GSE1: variants seen among roughly 807,000 people sequenced by gnomAD.
The protein encoded by GSE1 is Gse1 coiled-coil protein.
Under a neutral mutation model 112.6 loss-of-function variants are expected in GSE1, and 32 were observed. That is an observed-to-expected ratio of 0.28 (90% CI 0.21 to 0.38). The LOEUF (loss-of-function observed/expected upper bound fraction) is 0.38. Among genes scored for constraint, GSE1 ranks in the 10% least tolerant of loss-of-function variants. GSE1 has a pLI of 1.00. For synonymous variants in GSE1, 1,115 were observed against 735.6 expected (o/e 1.52, Z -8.35); for missense variants, 2,348 against 1,699.2 (o/e 1.38, Z -6.71).
At chr16:85,487,758 G>T (rs2050888305) in intron 2 of GSE1, among the ~76,000 whole-genome samples, 1 of 152,164 alleles carries the variant, frequency 6.6e-6, no homozygotes, top group South Asian at 2.1e-4. Flanking sequence ...GAAGGAGGTG[G>T]GTCGTCCAGG....
intron 2 of GSE1, among the ~76,000 whole-genome samples, chr16:85,634,389 C>T (rs527895412): frequency 3.1e-4 from 47 of 152,328 alleles, no homozygotes; most frequent in Admixed American, 2.4e-3. Context: ...CAGGGGTGTC[C>T]GGATGTAGCG....
chr16:85,472,386 A>G (rs1024134368), intron 2 of GSE1, among the ~76,000 whole-genome samples: 6 of 152,070 alleles, frequency 3.9e-5, no homozygotes, highest in African/African-American at 1.4e-4. Context: ...TTCTGGCCAC[A>G]CTGCCGTGGT....
In GSE1 at chr16:85,516,830, C is replaced by G. The variant is rs377067584; in HGVS notation, c.2465-117084C>G. 4.5e-4 allele frequency among the ~76,000 whole-genome samples: 66 copies of G among 147,506 alleles called. No homozygotes were observed. In the East Asian group the frequency reaches 0.011, roughly 25 times the overall value. ...TTTTTTTTTTTGAGACGGAGTCTCGCTCTATCGCCCAGGCTGGAGTGCAGT... is the reference window on the plus strand; with the variant it reads ...TTTTTTTTTTTGAGACGGAGTCTCGGTCTATCGCCCAGGCTGGAGTGCAGT... On this transcript the variant is annotated intron_variant, in intron 2 of 2. Transcript: ENST00000637419.
intron 2 of GSE1, among the ~76,000 whole-genome samples, chr16:85,521,367 G>A (rs1038855398): frequency 3.3e-5 from 5 of 152,180 alleles, no homozygotes; most frequent in Non-Finnish European, 5.9e-5. Flanking sequence ...AAGCAGCCAG[G>A]ATGGGGTCCA....
chr16:85,593,649 G>A (rs1353102133), intron 1 of GSE1: 1 of 146,088 alleles, frequency 6.8e-6, no homozygotes, highest in African/African-American at 2.5e-5. Context: ...CTGTGCTAGC[G>A]CCTGCCTGTG....
chr16:85,651,948 C>A (rs1211084400), intron 3 of GSE1, among the ~76,000 whole-genome samples: 1 of 152,246 alleles, frequency 6.6e-6, no homozygotes, highest in Non-Finnish European at 1.5e-5. Context: ...CAGGGTGTGT[C>A]CTTCCTCGTG....
chr16:85,308,636 T>C (rs1261124323), intron 1 of GSE1, among the ~76,000 whole-genome samples: 1 of 152,162 alleles, frequency 6.6e-6, no homozygotes, highest in East Asian at 1.9e-4. Flanking sequence ...GAAGCCTGGC[T>C]TTATGTTGTG....
intron 1 of GSE1, among the ~76,000 whole-genome samples, chr16:85,321,292 A>T (rs2046102387): frequency 6.6e-6 from 1 of 152,182 alleles, no homozygotes; most frequent in African/African-American, 2.4e-5. Context: ...TCTTCAGCAC[A>T]GGGGTTTCAG....
At position 85,224,314 on chromosome 16, in the gene GSE1, AAAAAAAAAAAAAAAAAAG is replaced by A. The variant is rs1286180197; in HGVS notation, c.2283+52508_2283+52525del. On this transcript the variant is annotated intron_variant, in intron 1 of 2. Coordinates refer to the GSE1 transcript ENST00000637419. ...CTACTAAAAATACAAAAAAAAAAAA[AAAAAAAAAAAAAAAAAAG>A]GGAACACACAGGGGCGGATTCCAGG... 1.1e-4 allele frequency among the ~76,000 whole-genome samples: 17 copies of A among 148,896 alleles called. No homozygotes were observed. In the East Asian group the frequency reaches 3.2e-3, roughly 28 times the overall value.
intron 2 of GSE1, among the ~76,000 whole-genome samples, chr16:85,447,539 TACCAGCTGTC>T (rs970499358): frequency 1.6e-4 from 25 of 152,226 alleles, no homozygotes; most frequent in Admixed American, 1.3e-4. Flanking sequence ...GCTCAGCACA[TACCAGCTGTC>T]ACCAGCTGTC....
chr16:85,205,016 A>G (rs1383481681), intron 1 of GSE1, among the ~76,000 whole-genome samples: 1 of 152,236 alleles, frequency 6.6e-6, no homozygotes, highest in East Asian at 1.9e-4. Context: ...CCCAAATCCT[A>G]AAAGCTCTCA....
chr16:85,312,601 C>T (rs898845005), intron 1 of GSE1, among the ~76,000 whole-genome samples: 1 of 152,162 alleles, frequency 6.6e-6, no homozygotes, highest in Admixed American at 6.5e-5. Context: ...CTGACATCTG[C>T]AAAGACCCCC....
intron 2 of GSE1, among the ~76,000 whole-genome samples, chr16:85,484,021 G>A (rs189304635): frequency 6.7e-4 from 102 of 152,316 alleles, no homozygotes; most frequent in African/African-American, 2.4e-3. Flanking sequence ...TCCAGATGGG[G>A]AAACTGAGGC....
chr16:85,296,419 A>T (rs1352845164), intron 1 of GSE1, among the ~76,000 whole-genome samples: 5 of 152,166 alleles, frequency 3.3e-5, no homozygotes, highest in African/African-American at 1.2e-4. Flanking sequence ...AGCCTGGGCA[A>T]CATGGTGAAA....
At chr16:85,254,561 T>A (rs749690077) in intron 1 of GSE1, among the ~76,000 whole-genome samples, 42 of 152,214 alleles carry the variant, frequency 2.8e-4, no homozygotes, top group Non-Finnish European at 5.0e-4. Flanking sequence ...GGCTCTTAGC[T>A]TCTGGGGGGC....
intron 1 of GSE1, among the ~76,000 whole-genome samples, chr16:85,263,101 A>G (rs1907882279): frequency 6.6e-6 from 1 of 152,192 alleles, no homozygotes; most frequent in Non-Finnish European, 1.5e-5. Flanking sequence ...AGCGACGCGT[A>G]GTGATTAGAG....
chr16:85,654,297 G>C lies in GSE1; in HGVS notation c.446G>C (p.Ser149Thr). ...ESRQDAGSRS[S>T]SGGRERLIVE... ...CCGCAGGATGCCGGCTCCAGGAGCA[G>C]CAGTGGAGGTCGGGAACGCCTCATT... The change falls in exon 4 of 16, where the codon AGC (serine) becomes ACC (threonine). Residue 149 changes from serine (S) to threonine (T), a missense_variant. Ser to Thr is a moderately conservative substitution (Grantham distance 58, BLOSUM62 1). Coordinates refer to ENST00000253458, the MANE Select transcript of GSE1 (RefSeq NM_014615.5). The C allele has an allele frequency of 6.2e-7, 1 of 1,604,340 alleles. No homozygotes were observed. The highest frequency in any genetic ancestry group is 8.5e-7 in the Non-Finnish European group (1 of 1,176,540).
At chr16:85,211,581 G>C (rs2075226588) in intron 1 of GSE1, among the ~76,000 whole-genome samples, 1 of 152,224 alleles carries the variant, frequency 6.6e-6, no homozygotes, top group Non-Finnish European at 1.5e-5. Flanking sequence ...TCTGGAGGGG[G>C]CCCTGGCGTG....
In GSE1 at chr16:85,341,965, G is replaced by A. The variant is rs139953432; in HGVS notation, c.2284-15498G>A. 2.6e-3 allele frequency among the ~76,000 whole-genome samples: 390 copies of A among 152,140 alleles called. 1 individual carries two copies. The highest frequency in any genetic ancestry group is 8.6e-3 in the African/African-American group (356 of 41,502). The stretch of plus-strand genomic sequence containing the variant: ...GCTCAGGACATACCCTCGGTCTCTC[G>A]GCAGTGGAATAGAGACCGGCAGGTG... On this transcript the variant is annotated intron_variant, in intron 1 of 2. Coordinates refer to the GSE1 transcript ENST00000637419.
Sources: gnomAD v4.1 joint callset for allele counts (sites outside exome capture counted in the v4.1 genomes callset) on GRCh38, gnomAD v4.1.1 for gene constraint, MANE v1.5 for transcripts, NCBI Gene and HGNC (gene_info 2026-07-23, HGNC 2026-07-21) for gene names.